EIF2AK4: variants seen among roughly 807,000 people sequenced by gnomAD.
EIF2AK4 encodes the protein eIF-2-alpha kinase GCN2.
EIF2AK4 carries 139 observed loss-of-function variants against 211.1 expected under a neutral mutation model. The ratio of observed to expected loss-of-function variants is 0.66; its 90% CI spans 0.57 to 0.76. EIF2AK4 has a LOEUF of 0.76. Among genes scored for constraint, EIF2AK4 ranks in the 30% least tolerant of loss-of-function variants. The probability of loss-of-function intolerance (pLI) is 0.00; values close to 1 mark genes in which losing one functional copy is unlikely to be tolerated. For synonymous variants in EIF2AK4, 710 were observed against 751.3 expected (o/e 0.94, Z 0.90); for missense variants, 1,664 against 2,043.8 (o/e 0.81, Z 3.58).
intron 35 of EIF2AK4, among the ~76,000 whole-genome samples, chr15:40,030,820 G>A (rs749918308): frequency 5.9e-5 from 9 of 152,176 alleles, no homozygotes; most frequent in Middle Eastern, 3.2e-3. Flanking sequence ...ACATGGTTTC[G>A]GCATTTGCTA....
chr15:40,034,397 C>A lies in EIF2AK4; in HGVS notation c.4845C>A (p.Tyr1615Ter). ...QLLSRLPKQR[Y>*]LKLVCDEIYN... Reference sequence around the variant, plus strand: ...TGTCACGCCTGCCAAAGCAAAGATACCTCAAATTAGTCTGTGATGAAATTT... The same window carrying A: ...TGTCACGCCTGCCAAAGCAAAGATAACTCAAATTAGTCTGTGATGAAATTT... The change falls in exon 38 of 39, where the codon TAC becomes TAA. Residue 1615 changes from tyrosine to a stop codon, truncating the protein, a stop_gained. Transcript: ENST00000263791. LOFTEE classifies it high-confidence loss of function. 1.2e-6 allele frequency: 2 copies of A among 1,613,876 alleles called. No homozygotes were observed. Among genetic ancestry groups the A allele is most frequent in the Non-Finnish European group, 1.7e-6 (2 of 1,179,898 alleles).
intron 21 of EIF2AK4, 145 bp from the exon 22 acceptor site, chr15:40,002,568 G>A: frequency 1.3e-6 from 1 of 785,428 alleles, no homozygotes; most frequent in South Asian, 1.6e-5. Flanking sequence ...TCCCTGATGT[G>A]TTCAAAGAGG....
chr15:39,957,674 C>T (rs1222695337), intron 6 of EIF2AK4, among the ~76,000 whole-genome samples: 3 of 152,078 alleles, frequency 2.0e-5, no homozygotes, highest in African/African-American at 7.2e-5. Flanking sequence ...CTGTGTTTTC[C>T]TCAAAGCCTG....
At chr15:40,009,199 C>T (rs563485375) in intron 25 of EIF2AK4, among the ~76,000 whole-genome samples, 1 of 151,974 alleles carries the variant, frequency 6.6e-6, no homozygotes, top group Non-Finnish European at 1.5e-5. Flanking sequence ...AAGCAGTCCT[C>T]CTGCCTTGCT....
rs2034116285 is a variant in EIF2AK4, at chr15:39,939,592, A to C, written c.232A>C (p.Lys78Gln). Residue 78 changes from lysine (K) to glutamine (Q), a missense_variant, in exon 2 of 39, where the codon AAA (lysine) becomes CAA (glutamine). Transcript: ENST00000263791. Reference sequence around the variant, plus strand: ...ATATGTAAAAGTGGATTTGAGGGTTAAATGCCCACCTACCTATCCAGATGT... The same window carrying C: ...ATATGTAAAAGTGGATTTGAGGGTTCAATGCCCACCTACCTATCCAGATGT... Reference protein sequence around the residue: ...EVYVKVDLRVKCPPTYPDVVP... With the variant: ...EVYVKVDLRVQCPPTYPDVVP... 5.0e-6 allele frequency: 8 copies of C among 1,612,432 alleles called. No homozygotes were observed. The highest frequency in any genetic ancestry group is 6.8e-6 in the Non-Finnish European group (8 of 1,179,028).
chr15:39,984,830 T>C (rs888776007), intron 13 of EIF2AK4, among the ~76,000 whole-genome samples: 1 of 152,176 alleles, frequency 6.6e-6, no homozygotes, highest in Non-Finnish European at 1.5e-5. Flanking sequence ...CTTTCTATTT[T>C]AATACCCTTT....
At chr15:39,981,759 T>C (rs1432276995) in intron 13 of EIF2AK4, among the ~76,000 whole-genome samples, 1 of 152,148 alleles carries the variant, frequency 6.6e-6, no homozygotes, top group African/African-American at 2.4e-5. Context: ...AAAAAGACTT[T>C]TTTAAGAAAA....
At chr15:39,992,339 T>C (rs1432918332) in intron 17 of EIF2AK4, 110 bp downstream of exon 17, 30 of 880,058 alleles carry the variant, frequency 3.4e-5, no homozygotes, top group Admixed American at 5.5e-5. Flanking sequence ...AGATTTTAAT[T>C]GCTCCTTAAG....
intron 25 of EIF2AK4, 39 bp downstream of exon 25, chr15:40,008,234 A>G (rs775469917): frequency 1.3e-6 from 2 of 1,541,876 alleles, no homozygotes; most frequent in Non-Finnish European, 8.8e-7. Flanking sequence ...ATTCCCCACT[A>G]TATTTCTTCA....
chr15:39,939,427 TA>T, intron 1 of EIF2AK4, 77 bp from the exon 2 acceptor site: 2 of 791,476 alleles, frequency 2.5e-6, no homozygotes, highest in Non-Finnish European at 1.9e-6. Flanking sequence ...ACTTTTGATC[TA>T]AAATGATCAT....
rs180923742 is a variant in EIF2AK4, at chr15:39,966,127, T to C, written c.1017+284T>C. Reference sequence around the variant, plus strand: ...CATCTTTCCAACTGGGACTAAATACTAGTTCATAATTGGGTTTTTTTGCAA... The same window carrying C: ...CATCTTTCCAACTGGGACTAAATACCAGTTCATAATTGGGTTTTTTTGCAA... On this transcript the variant is annotated intron_variant, in intron 8 of 38. Coordinates refer to ENST00000263791, the MANE Select transcript of EIF2AK4 (RefSeq NM_001013703.4). 2.1e-4 allele frequency among the ~76,000 whole-genome samples: 32 copies of C among 152,282 alleles called. No homozygotes were observed. The East Asian group carries it at 6.2e-3, about 29-fold the overall frequency.
intron 33 of EIF2AK4, among the ~76,000 whole-genome samples, chr15:40,027,022 T>C (rs186019770): frequency 6.6e-6 from 1 of 152,322 alleles, no homozygotes; most frequent in Non-Finnish European, 1.5e-5. Flanking sequence ...TTATGTGAGT[T>C]ATATCTATAA....
In EIF2AK4 at chr15:40,002,775, C is replaced by CT. The variant is rs565490641; in HGVS notation, c.3225dup (p.Lys1076Ter). On this transcript the variant is annotated frameshift_variant, in exon 22 of 39. Transcript: ENST00000263791. LOFTEE classifies it high-confidence loss of function. ...ATGTGTGTGAAACCATCATCCGCAT[C>CT]TTTAAAAGACATGGTATGTACGCCC... 1.9e-6 allele frequency: 3 copies of CT among 1,614,148 alleles called. No individual in the cohort carries two copies. Among genetic ancestry groups the CT allele is most frequent in the Non-Finnish European group, 2.5e-6 (3 of 1,180,016 alleles).
At position 40,009,585 on chromosome 15, in the gene EIF2AK4, GA is replaced by G. The variant is rs770167368; in HGVS notation, c.3577-25del. ...ATGTACCAGTAATTGCTTTTATAAT[GA>G]AAATAGTAATTTTTCTCCATATCCC... On this transcript the variant is annotated intron_variant, in intron 25 of 38. Transcript: ENST00000263791. 2.1e-6 allele frequency: 3 copies of G among 1,445,808 alleles called. No homozygotes were observed. The African/African-American group carries it at 4.3e-5, about 21-fold the overall frequency. 89.6% of individuals were successfully genotyped at this position (1,445,808 alleles called of 1,614,324 possible). A position where few individuals can be genotyped will look rare whatever the true frequency, so the allele number is the denominator to read the frequency against.
chr15:40,035,111 TCAAA>T lies in EIF2AK4; in HGVS notation c.*30_*33del, dbSNP rs2035598549. On this transcript the variant is annotated 3_prime_UTR_variant, in exon 39 of 39. Coordinates refer to ENST00000263791, the MANE Select transcript of EIF2AK4 (RefSeq NM_001013703.4). Reference sequence around the variant, plus strand: ...CCTAAAGAACTGTCGTTAACCTCATTCAAACAGACAGAGGCTTATACTGGAATAA... The same window carrying T: ...CCTAAAGAACTGTCGTTAACCTCATTCAGACAGAGGCTTATACTGGAATAA... 1 of 1,480,292 alleles carries T rather than the reference TCAAA, an allele frequency of 6.8e-7. No individual in the cohort carries two copies. Among genetic ancestry groups the T allele is most frequent in the African/African-American group, 1.4e-5 (1 of 71,306 alleles). The allele number at this position is 1,480,292 out of a possible 1,614,324, so 91.7% of individuals were successfully genotyped here. A position where few individuals can be genotyped will look rare whatever the true frequency, so the allele number is the denominator to read the frequency against.
At chr15:40,033,490 C>T (rs711906) in intron 37 of EIF2AK4, among the ~76,000 whole-genome samples, 20,580 of 152,178 alleles carry the variant, frequency 0.14, 2,618 homozygotes, top group East Asian at 0.46. Context: ...GAACACTCAA[C>T]TATAGTCATA....
At chr15:40,010,332 A>G (rs1243736997) in intron 26 of EIF2AK4, among the ~76,000 whole-genome samples, 5 of 152,222 alleles carry the variant, frequency 3.3e-5, no homozygotes, top group Non-Finnish European at 5.9e-5. Flanking sequence ...GATTGAATTA[A>G]GGCAGAATGG....
At chr15:39,993,294 A>G (rs1004178257) in intron 18 of EIF2AK4, among the ~76,000 whole-genome samples, 10 of 152,218 alleles carry the variant, frequency 6.6e-5, no homozygotes, top group African/African-American at 2.4e-4. Context: ...CCAGGAACAG[A>G]TGTGGCTCCA....
chr15:39,941,880 G>C (rs1185726385), intron 2 of EIF2AK4, among the ~76,000 whole-genome samples: 1 of 152,168 alleles, frequency 6.6e-6, no homozygotes, highest in Non-Finnish European at 1.5e-5. Flanking sequence ...CATGGCACTA[G>C]ATAACTATTC....
Sources: gnomAD v4.1 joint callset for allele counts (sites outside exome capture counted in the v4.1 genomes callset) on GRCh38, gnomAD v4.1.1 for gene constraint, MANE v1.5 for transcripts, NCBI Gene and HGNC (gene_info 2026-07-23, HGNC 2026-07-21) for gene names.